The following ULK4 variants were observed in gnomAD, a reference collection of about 807,000 sequenced individuals.
ULK4 encodes the protein unc-51 like kinase 4.
Under a neutral mutation model 160.6 loss-of-function variants are expected in ULK4, and 133 were observed. The ratio of observed to expected loss-of-function variants is 0.83; its 90% CI spans 0.72 to 0.96. The LOEUF (loss-of-function observed/expected upper bound fraction) is 0.96, where lower values mean the gene tolerates loss of function less well. ULK4 is among the 40% of genes least tolerant of loss of function. The pLI is 0.00. For missense variants in ULK4, 1,580 were observed against 1,499.5 expected (o/e 1.05, Z -0.89); for synonymous variants, 534 against 539.8 (o/e 0.99, Z 0.15).
intron 19 of ULK4, among the ~76,000 whole-genome samples, chr3:41,813,326 G>T (rs2040870958): frequency 6.6e-6 from 1 of 152,102 alleles, no homozygotes; most frequent in African/African-American, 2.4e-5. Flanking sequence ...ATAAAAATTT[G>T]AAATTCAGAA....
chr3:41,663,783 T>C, intron 29 of ULK4, 84 bp from the exon 30 acceptor site: 1 of 1,129,660 alleles, frequency 8.9e-7, no homozygotes, highest in Admixed American at 1.8e-5. Flanking sequence ...AAACTATCAA[T>C]TTAGCTTAAG....
intron 22 of ULK4, among the ~76,000 whole-genome samples, chr3:41,730,953 G>A (rs574832964): frequency 1.4e-4 from 21 of 152,082 alleles, no homozygotes; most frequent in Non-Finnish European, 2.9e-4. Context: ...AATACATGCA[G>A]GGAAAAAACT....
chr3:41,835,217 A>T (rs1254130898), intron 18 of ULK4, among the ~76,000 whole-genome samples: 1 of 152,182 alleles, frequency 6.6e-6, no homozygotes, highest in East Asian at 1.9e-4. Context: ...CTCAAAACAA[A>T]CAAAGAAATA....
At chr3:41,330,376 C>T (rs9819909) in intron 35 of ULK4, among the ~76,000 whole-genome samples, 34,577 of 152,140 alleles carry the variant, frequency 0.23, 4,074 homozygotes, top group African/African-American at 0.25. Flanking sequence ...ACTCACATCC[C>T]ATCCCAATTC....
chr3:41,887,713 C>T (rs1396753238), intron 16 of ULK4, among the ~76,000 whole-genome samples: 3 of 151,652 alleles, frequency 2.0e-5, no homozygotes, highest in South Asian at 2.1e-4. Flanking sequence ...CCCAGCTACT[C>T]GGGAGGCTGA....
intron 17 of ULK4, among the ~76,000 whole-genome samples, chr3:41,859,156 A>C (rs1011868861): frequency 1.3e-5 from 2 of 152,212 alleles, no homozygotes; most frequent in Non-Finnish European, 2.9e-5. Flanking sequence ...AATTCGTTAA[A>C]GTGTAAAAAA....
intron 20 of ULK4, among the ~76,000 whole-genome samples, chr3:41,790,329 C>T (rs2040113155): frequency 6.6e-6 from 1 of 152,140 alleles, no homozygotes; most frequent in Non-Finnish European, 1.5e-5. Flanking sequence ...CTAAAGCATA[C>T]AGTAGTTAAG....
chr3:41,757,437 C>G (rs938736719), intron 21 of ULK4, among the ~76,000 whole-genome samples: 1 of 151,836 alleles, frequency 6.6e-6, no homozygotes, highest in Non-Finnish European at 1.5e-5. Context: ...TCAAGACCAA[C>G]CTGGCTAACA....
intron 30 of ULK4, among the ~76,000 whole-genome samples, chr3:41,620,651 C>T (rs1284912170): frequency 2.6e-5 from 4 of 152,038 alleles, no homozygotes; most frequent in Non-Finnish European, 5.9e-5. Context: ...AAACCTATAG[C>T]CAATATAATA....
chr3:41,488,430 C>A (rs1210173569), intron 32 of ULK4, among the ~76,000 whole-genome samples: 9 of 152,180 alleles, frequency 5.9e-5, no homozygotes, highest in Admixed American at 5.9e-4. Context: ...TTGGTAAGCT[C>A]TACACACACA....
chr3:41,452,422 T>G (rs1013576456), intron 34 of ULK4, among the ~76,000 whole-genome samples: 1 of 152,178 alleles, frequency 6.6e-6, no homozygotes, highest in Non-Finnish European at 1.5e-5. Flanking sequence ...CTACTCTCTT[T>G]CCACTGAGAG....
chr3:41,534,695 G>A (rs1219571293), intron 32 of ULK4, among the ~76,000 whole-genome samples: 9 of 152,058 alleles, frequency 5.9e-5, no homozygotes, highest in African/African-American at 1.9e-4. Context: ...AGATGCCACT[G>A]ATCATAAGGA....
Position 41,313,318 on chromosome 3 carries a change from C to T in ULK4, c.3679-63744G>A, listed in dbSNP as rs138572471. On this transcript the variant is annotated intron_variant, in intron 35 of 36. Transcript: ENST00000301831. ...TCATATGGTTGTTGTGAGAATTAAA[C>T]TAGTTAATGTATGTAATGTGCTTAA... Among the ~76,000 whole-genome samples the T allele has an allele frequency of 2.4e-3, 372 of 152,276 alleles. 1 individual carries two copies. The highest frequency in any genetic ancestry group is 4.4e-3 in the Non-Finnish European group (297 of 68,024).
At chr3:41,836,535 C>T (rs1440669077) in intron 17 of ULK4, among the ~76,000 whole-genome samples, 1 of 152,082 alleles carries the variant, frequency 6.6e-6, no homozygotes, top group Non-Finnish European at 1.5e-5. Context: ...AATTGCTGCC[C>T]TATCTTTAAA....
chr3:41,469,407 G>A (rs914140435), intron 32 of ULK4, among the ~76,000 whole-genome samples: 1 of 151,558 alleles, frequency 6.6e-6, no homozygotes, highest in South Asian at 2.1e-4. Flanking sequence ...CCAATGATGG[G>A]CCAACTGTAT....
intron 31 of ULK4, 26 bp from the exon 32 acceptor site, chr3:41,566,156 T>C: frequency 1.3e-6 from 2 of 1,574,808 alleles, no homozygotes; most frequent in Non-Finnish European, 8.7e-7. Context: ...ATTTCCATCA[T>C]AACCATACAG....
At position 41,506,807 on chromosome 3, in the gene ULK4, T is replaced by TATATATATATAC. The variant is rs1559658299; in HGVS notation, c.3227-43555_3227-43554insGTATATATATAT. ...ATATATATATATATATATATATATATGAACATGTTTTACAATTATTTTTAC... is the reference window on the plus strand; with the variant it reads ...ATATATATATATATATATATATATATATATATATATACGAACATGTTTTACAATTATTTTTAC... On this transcript the variant is annotated intron_variant, in intron 32 of 36. Coordinates refer to ENST00000301831, the MANE Select transcript of ULK4 (RefSeq NM_017886.4). Among the ~76,000 whole-genome samples the TATATATATATAC allele has an allele frequency of 3.2e-4, 35 of 110,688 alleles. 1 individual carries two copies. Among genetic ancestry groups the TATATATATATAC allele is most frequent in the African/African-American group, 1.2e-3 (34 of 29,164 alleles). The allele number at this position is 110,688 out of a possible 152,430, so 72.6% of individuals were successfully genotyped here.
intron 2 of ULK4, among the ~76,000 whole-genome samples, chr3:41,949,804 G>A (rs376443777): frequency 2.0e-5 from 3 of 148,412 alleles, no homozygotes; most frequent in African/African-American, 5.0e-5. Context: ...TGGCATGATC[G>A]CGGCTCACTG....
chr3:41,711,384 T>C (rs1559501613), intron 25 of ULK4, among the ~76,000 whole-genome samples: 1 of 152,222 alleles, frequency 6.6e-6, no homozygotes, highest in East Asian at 1.9e-4. Context: ...GCGCTCTCAA[T>C]ATCATTCAGT....
Sources: allele counts gnomAD v4.1 joint callset (sites outside exome capture counted in the v4.1 genomes callset), GRCh38; gene constraint gnomAD v4.1.1; transcripts MANE v1.5; gene names NCBI Gene and HGNC (gene_info 2026-07-23, HGNC 2026-07-21).